RARB: variants seen among roughly 807,000 people sequenced by gnomAD.
RARB encodes retinoic acid receptor beta.
RARB carries 17 observed loss-of-function variants against 51.9 expected under a neutral mutation model. The observed-to-expected ratio is 0.33, with a 90% CI of 0.22 to 0.49. The LOEUF (loss-of-function observed/expected upper bound fraction) is 0.49. Ranked by LOEUF, RARB falls within the 20% of genes least tolerant of loss-of-function variation. RARB has a pLI of 0.99. For synonymous variants in RARB, 215 were observed against 195.4 expected (o/e 1.10, Z -0.84); for missense variants, 369 against 550.8 (o/e 0.67, Z 3.30).
chr3:25,330,033 A>C (rs1360280983), intron 5 of RARB, among the ~76,000 whole-genome samples: 1 of 152,184 alleles, frequency 6.6e-6, no homozygotes, highest in African/African-American at 2.4e-5. Flanking sequence ...CCAAATCTAC[A>C]TCTGATTGGT....
intron 2 of RARB, among the ~76,000 whole-genome samples, chr3:24,974,106 TTATTTTGAGGTGTGTTCTTTC>T (rs1287461838): frequency 2.0e-5 from 3 of 152,120 alleles, no homozygotes; most frequent in African/African-American, 7.2e-5. Context: ...ATGGCCCTTA[TTATTTTGAGGTGTGTTCTTTC>T]TATACCCAGT....
intron 2 of RARB, among the ~76,000 whole-genome samples, chr3:24,895,970 A>T (rs1703470657): frequency 6.6e-6 from 1 of 152,238 alleles, no homozygotes; most frequent in Non-Finnish European, 1.5e-5. Flanking sequence ...TCATATCTAT[A>T]AAAAGATGAA....
rs146582486 is a variant in RARB at position 25,414,034 on chromosome 3, T to C, written c.179-47159T>C. The stretch of plus-strand genomic sequence containing the variant: ...ACCACCACCACCACCCAGAAGTTTT[T>C]CCATGTGCTTTTGTAATCTTGCCCT... On this transcript the variant is annotated intron_variant, in intron 5 of 11. Transcript: ENST00000383772. 2.6e-3 allele frequency among the ~76,000 whole-genome samples: 394 copies of C among 151,160 alleles called. 3 individuals are homozygous for C. The highest frequency in any genetic ancestry group is 9.0e-3 in the African/African-American group (368 of 41,024).
intron 3 of RARB, among the ~76,000 whole-genome samples, chr3:25,112,200 A>T: frequency 6.6e-6 from 1 of 152,140 alleles, no homozygotes; most frequent in East Asian, 1.9e-4. Context: ...CAAATTACTG[A>T]CATGGACTTG....
intron 5 of RARB, among the ~76,000 whole-genome samples, chr3:25,592,848 G>A (rs114121290): frequency 8.9e-4 from 135 of 152,236 alleles, no homozygotes; most frequent in African/African-American, 3.1e-3. Flanking sequence ...GAACTCCCTA[G>A]TACCTTGCTG....
intron 5 of RARB, among the ~76,000 whole-genome samples, chr3:25,379,414 C>A (rs1383906540): frequency 6.6e-6 from 1 of 152,168 alleles, no homozygotes; most frequent in African/African-American, 2.4e-5. Flanking sequence ...TGACCTAGTG[C>A]CATGGGTATG....
Position 25,407,320 on chromosome 3 carries a change from T to A in RARB, c.179-53873T>A, listed in dbSNP as rs1184687238. ...TAGAAAAAGACCGCAAATTCTGGTT[T>A]GGCCATTATGCACTGGGATTTGGGA... On this transcript the variant is annotated intron_variant, in intron 5 of 11. Coordinates refer to the RARB transcript ENST00000383772. 2.6e-5 allele frequency among the ~76,000 whole-genome samples: 4 copies of A among 152,200 alleles called. No homozygotes were observed. The East Asian group carries it at 7.7e-4, about 29-fold the overall frequency.
chr3:25,079,801 C>G (rs77755276), intron 3 of RARB, among the ~76,000 whole-genome samples: 2,603 of 152,180 alleles, frequency 0.017, 37 homozygotes, highest in Middle Eastern at 0.034. Flanking sequence ...ATTTTCATGA[C>G]TATATTCATG....
At chr3:25,130,975 T>TCA (rs1699942271) in intron 3 of RARB, among the ~76,000 whole-genome samples, 4 of 28,756 alleles carry the variant, frequency 1.4e-4, no homozygotes, top group African/African-American at 5.8e-4. Flanking sequence ...TCAATATTTA[T>TCA]TATTGATAAT....
chr3:25,438,019 G>A (rs1305010473), intron 1 of RARB, among the ~76,000 whole-genome samples: 2 of 152,166 alleles, frequency 1.3e-5, no homozygotes, highest in Non-Finnish European at 2.9e-5. Flanking sequence ...GGCTCCGCTG[G>A]GCAGACCCTC....
chr3:24,996,014 A>T lies in RARB; in HGVS notation c.-379-64111A>T, dbSNP rs147299028. On this transcript the variant is annotated intron_variant, in intron 2 of 11. Transcript: ENST00000383772. Reference sequence around the variant, plus strand: ...AATTTCTTCCTCTCCAATATTTTGTAATAGTTTGAAAAGAATCTGTTATTA... The same window carrying T: ...AATTTCTTCCTCTCCAATATTTTGTTATAGTTTGAAAAGAATCTGTTATTA... Among the ~76,000 whole-genome samples the T allele has an allele frequency of 3.4e-3, 518 of 152,176 alleles. 1 individual carries two copies. The highest frequency in any genetic ancestry group is 0.011 in the African/African-American group (477 of 41,550).
chr3:25,330,671 C>G (rs1239771349), intron 5 of RARB, among the ~76,000 whole-genome samples: 1 of 150,826 alleles, frequency 6.6e-6, no homozygotes, highest in Non-Finnish European at 1.5e-5. Flanking sequence ...CAATACTAAC[C>G]TTAAATGTAA....
chr3:25,387,671 C>T (rs1559381123), intron 5 of RARB, among the ~76,000 whole-genome samples: 1 of 152,078 alleles, frequency 6.6e-6, no homozygotes, highest in African/African-American at 2.4e-5. Flanking sequence ...TGTAAAGTGG[C>T]TCACCATCAG....
At position 25,185,701 on chromosome 3, in the gene RARB, A is replaced by T. The variant is rs565419786; in HGVS notation, c.178+11126A>T. On this transcript the variant is annotated intron_variant, in intron 5 of 11. Coordinates refer to the RARB transcript ENST00000383772. ...GAGTCCTGATGGAAATCTCTGAGACATAAAGTGACTTTCATAGCCACATTG... is the reference window on the plus strand; with the variant it reads ...GAGTCCTGATGGAAATCTCTGAGACTTAAAGTGACTTTCATAGCCACATTG... 1.1e-4 allele frequency among the ~76,000 whole-genome samples: 16 copies of T among 152,302 alleles called. No homozygotes were observed. The East Asian group carries it at 2.9e-3, about 28-fold the overall frequency.
intron 5 of RARB, among the ~76,000 whole-genome samples, chr3:25,297,626 G>T (rs891146191): frequency 6.6e-6 from 1 of 151,944 alleles, no homozygotes; most frequent in South Asian, 2.1e-4. Context: ...GCAGATCTTC[G>T]TGGGGATTTT....
At chr3:25,434,283 G>A (rs1708330814) in intron 1 of RARB, among the ~76,000 whole-genome samples, 1 of 152,036 alleles carries the variant, frequency 6.6e-6, no homozygotes, top group Non-Finnish European at 1.5e-5. Flanking sequence ...TTTCTTTGAA[G>A]AGAACAAAGA....
intron 2 of RARB, among the ~76,000 whole-genome samples, chr3:24,885,050 G>T (rs983422290): frequency 6.6e-6 from 1 of 152,104 alleles, no homozygotes; most frequent in African/African-American, 2.4e-5. Context: ...TTTAGCCTGG[G>T]ATTCAGCTTG....
chr3:25,264,714 A>C (rs1450688460), intron 5 of RARB, among the ~76,000 whole-genome samples: 2 of 152,178 alleles, frequency 1.3e-5, no homozygotes, highest in Admixed American at 1.3e-4. Flanking sequence ...AATCCTACTA[A>C]TAATATGGGA....
At chr3:25,240,830 G>T (rs1048429496) in intron 5 of RARB, among the ~76,000 whole-genome samples, 21 of 152,088 alleles carry the variant, frequency 1.4e-4, no homozygotes, top group African/African-American at 5.1e-4. Flanking sequence ...TTTTGTATCA[G>T]GGTAATTTTG....
Sources: allele counts gnomAD v4.1 joint callset (sites outside exome capture counted in the v4.1 genomes callset), GRCh38; gene constraint gnomAD v4.1.1; transcripts MANE v1.5; gene names NCBI Gene and HGNC (gene_info 2026-07-23, HGNC 2026-07-21).